Variants in SHISA6 observed in about 807,000 individuals in gnomAD.
SHISA6 encodes shisa family member 6, also known as protein shisa-6.
Under a neutral mutation model 47.9 loss-of-function variants are expected in SHISA6, and 22 were observed. The observed-to-expected ratio is 0.46, with a 90% CI of 0.33 to 0.66. The LOEUF (loss-of-function observed/expected upper bound fraction) is 0.66. SHISA6 is among the 30% of genes least tolerant of loss of function. The probability of loss-of-function intolerance (pLI) is 0.02; values close to 1 mark genes in which losing one functional copy is unlikely to be tolerated. For synonymous variants in SHISA6, 388 were observed against 337.8 expected (o/e 1.15, Z -1.63); for missense variants, 680 against 764.6 (o/e 0.89, Z 1.30).
intron 3 of SHISA6, among the ~76,000 whole-genome samples, chr17:11,475,119 T>G (rs1241884767): frequency 6.6e-6 from 1 of 152,116 alleles, no homozygotes; most frequent in East Asian, 1.9e-4. Flanking sequence ...TTCATTGACA[T>G]TTGTATATTA....
intron 2 of SHISA6, among the ~76,000 whole-genome samples, chr17:11,306,851 C>T (rs1233620706): frequency 6.6e-6 from 1 of 152,182 alleles, no homozygotes; most frequent in Admixed American, 6.5e-5. Context: ...TGACCTATCC[C>T]CATCTCCTTT....
chr17:11,323,906 C>G (rs538712080), intron 2 of SHISA6, among the ~76,000 whole-genome samples: 4 of 152,098 alleles, frequency 2.6e-5, no homozygotes, highest in African/African-American at 9.6e-5. Context: ...ACATATGATC[C>G]AAAGCACTTA....
intron 2 of SHISA6, among the ~76,000 whole-genome samples, chr17:11,376,447 C>T (rs564434948): frequency 2.0e-5 from 3 of 152,026 alleles, no homozygotes; most frequent in Non-Finnish European, 4.4e-5. Context: ...GCCTCAGCTT[C>T]CCGAGTAGCT....
At chr17:11,327,665 T>G (rs1597460063) in intron 2 of SHISA6, among the ~76,000 whole-genome samples, 1 of 152,024 alleles carries the variant, frequency 6.6e-6, no homozygotes, top group African/African-American at 2.4e-5. Flanking sequence ...GGTGTGGTGG[T>G]GGGTGCCTGT....
In SHISA6 at chr17:11,559,069, GC is replaced by G. The variant is rs1008549351; in HGVS notation, c.*766del. The G allele has an allele frequency of 6.5e-6, 1 of 153,010 alleles. No individual in the cohort carries two copies. The highest frequency in any genetic ancestry group is 2.4e-5 in the African/African-American group (1 of 41,444). 9.5% of individuals were successfully genotyped at this position (153,010 alleles called of 1,614,324 possible). A position where few individuals can be genotyped will look rare whatever the true frequency, so the allele number is the denominator to read the frequency against. On this transcript the variant is annotated 3_prime_UTR_variant, in exon 6 of 6. Coordinates refer to ENST00000441885, the MANE Select transcript of SHISA6 (RefSeq NM_207386.4). This position sits in a 1 kb window ranked among gnomAD's most constrained non-coding sequence, Gnocchi z 4.4. ...TAAGGACCCTGGGCCTGTCCTTTCA[GC>G]GGGCTGTGCTCCTTCCCTGGCCCTG...
chr17:11,355,183 C>T (rs1250925049), intron 2 of SHISA6, among the ~76,000 whole-genome samples: 1 of 152,152 alleles, frequency 6.6e-6, no homozygotes, highest in African/African-American at 2.4e-5. Context: ...TGGACAGAGC[C>T]AATGGGCTAT....
At chr17:11,286,301 A>G (rs1278348236) in intron 2 of SHISA6, among the ~76,000 whole-genome samples, 1 of 152,152 alleles carries the variant, frequency 6.6e-6, no homozygotes, top group Non-Finnish European at 1.5e-5. Flanking sequence ...GCACACATCC[A>G]CATATCCTGG....
intron 3 of SHISA6, among the ~76,000 whole-genome samples, chr17:11,540,588 A>G (rs2071825388): frequency 6.6e-6 from 1 of 152,196 alleles, no homozygotes; most frequent in South Asian, 2.1e-4. Flanking sequence ...TTTTGAATGT[A>G]GTCCTTTTGT....
chr17:11,289,138 G>C (rs966545666), intron 2 of SHISA6: 6 of 152,066 alleles, frequency 3.9e-5, no homozygotes, highest in African/African-American at 1.4e-4. Context: ...AATTGAGAAT[G>C]GATGTTGAAT....
chr17:11,459,218 CAAA>C (rs200165239), intron 3 of SHISA6, among the ~76,000 whole-genome samples: 16 of 90,718 alleles, frequency 1.8e-4, no homozygotes, highest in Middle Eastern at 5.7e-3. Context: ...GACTCCATCT[CAAA>C]AAAAAAAAAA....
Position 11,530,124 on chromosome 17 carries a change from C to T in SHISA6, c.896-21772C>T, listed in dbSNP as rs557322376. Reference sequence around the variant, plus strand: ...ATTTCTGACACCTTGAAATTAGAACCCCTCTACATTCTGATTCTAGTAATC... The same window carrying T: ...ATTTCTGACACCTTGAAATTAGAACTCCTCTACATTCTGATTCTAGTAATC... On this transcript the variant is annotated intron_variant, in intron 3 of 5. Transcript: ENST00000441885. Among the ~76,000 whole-genome samples the T allele has an allele frequency of 4.6e-5, 7 of 152,220 alleles. No individual in the cohort carries two copies. The South Asian group carries it at 1.2e-3, about 27-fold the overall frequency.
At chr17:11,329,822 G>T (rs1911034026) in intron 2 of SHISA6, among the ~76,000 whole-genome samples, 1 of 152,098 alleles carries the variant, frequency 6.6e-6, no homozygotes, top group African/African-American at 2.4e-5. Context: ...ATGTGAAAGA[G>T]GGAAGCATTG....
rs2943034 is a variant in SHISA6 at position 11,427,540 on chromosome 17, G to A, written c.895+48031G>A. ...AAACCATTATACCGACACCCTCAGT[G>A]CTGAACTGGCCAGACCTGTCTCACC... is the stretch of plus-strand genomic sequence containing the variant. On this transcript the variant is annotated intron_variant, in intron 3 of 5. Transcript: ENST00000441885. 6.4e-3 allele frequency among the ~76,000 whole-genome samples: 980 copies of A among 152,180 alleles called. 11 individuals are homozygous for A. Among genetic ancestry groups the A allele is most frequent in the African/African-American group, 0.022 (916 of 41,514 alleles).
rs1439002772 is a variant in SHISA6 at position 11,560,314 on chromosome 17, G to A, written c.*2010G>A. 1 of 152,496 alleles carries A rather than the reference G, an allele frequency of 6.6e-6. No homozygotes were observed. The highest frequency in any genetic ancestry group is 6.5e-5 in the Admixed American group (1 of 15,288). 9.4% of individuals were successfully genotyped at this position (152,496 alleles called of 1,614,324 possible). On this transcript the variant is annotated 3_prime_UTR_variant, in exon 6 of 6. Transcript: ENST00000441885. The stretch of plus-strand genomic sequence containing the variant: ...ACCCCACACTGGGGATGCATTCCTG[G>A]AGTCGTGCGGCTGGAAGGCCAGGGA...
chr17:11,427,229 G>A (rs1914633131), intron 3 of SHISA6, among the ~76,000 whole-genome samples: 3 of 152,036 alleles, frequency 2.0e-5, no homozygotes, highest in African/African-American at 7.2e-5. Flanking sequence ...TGCCTCCCAG[G>A]TTCAAGCGAT....
At chr17:11,539,177 G>C (rs1441792867) in intron 3 of SHISA6, among the ~76,000 whole-genome samples, 1 of 152,192 alleles carries the variant, frequency 6.6e-6, no homozygotes, top group Middle Eastern at 3.4e-3. Context: ...CCCAATCTCA[G>C]GTGATCCACC....
intron 2 of SHISA6, among the ~76,000 whole-genome samples, chr17:11,294,499 C>T (rs9905567): frequency 0.037 from 5,599 of 152,244 alleles, 360 homozygotes; most frequent in African/African-American, 0.13. Context: ...TTGCTCCCCG[C>T]GTGCGAGGCT....
chr17:11,532,739 C>CTTTTTT lies in SHISA6; in HGVS notation c.896-19137_896-19132dup, dbSNP rs71142217. 1.7e-3 allele frequency among the ~76,000 whole-genome samples: 121 copies of CTTTTTT among 71,266 alleles called. 1 individual carries two copies. The highest frequency in any genetic ancestry group is 0.019 in the Middle Eastern group (1 of 54). The allele number at this position is 71,266 out of a possible 152,430, so 46.8% of individuals were successfully genotyped here. On this transcript the variant is annotated intron_variant, in intron 3 of 5. Coordinates refer to ENST00000441885, the MANE Select transcript of SHISA6 (RefSeq NM_207386.4). Reference sequence around the variant, plus strand: ...CATGCCTTTCCCCATTCTATCAGGGCTTTTTTTTTTTTTTTTTTTTTTTTT... The same window carrying CTTTTTT: ...CATGCCTTTCCCCATTCTATCAGGGCTTTTTTTTTTTTTTTTTTTTTTTTTTTTTTT...
chr17:11,293,608 C>T (rs149020793), intron 2 of SHISA6, among the ~76,000 whole-genome samples: 60 of 152,170 alleles, frequency 3.9e-4, no homozygotes, highest in African/African-American at 1.4e-3. Flanking sequence ...CAGAAATTCC[C>T]AAATGGGAGG....
Sources: gnomAD v4.1 joint callset for allele counts (sites outside exome capture counted in the v4.1 genomes callset) on GRCh38, gnomAD v4.1.1 for gene constraint, Gnocchi (gnomAD v3.1) non-coding constraint, MANE v1.5 for transcripts, NCBI Gene and HGNC (gene_info 2026-07-23, HGNC 2026-07-21) for gene names.